Variants in FMN1 observed in about 807,000 individuals in gnomAD.
The protein encoded by FMN1 is formin-1.
A neutral mutation model predicts 132.4 loss-of-function variants in FMN1; 110 were observed. The ratio of observed to expected loss-of-function variants is 0.83; its 90% CI spans 0.71 to 0.97. FMN1 has a LOEUF of 0.97. Ranked by LOEUF, FMN1 falls within the 50% of genes least tolerant of loss-of-function variation. The probability of loss-of-function intolerance (pLI) is 0.00; values close to 1 mark genes in which losing one functional copy is unlikely to be tolerated. For missense variants in FMN1, 1,792 were observed against 1,705.3 expected (o/e 1.05, Z -0.90); for synonymous variants, 722 against 651.7 (o/e 1.11, Z -1.64).
At chr15:33,025,818 A>T (rs527507041) in intron 6 of FMN1, among the ~76,000 whole-genome samples, 8 of 152,264 alleles carry the variant, frequency 5.3e-5, no homozygotes, top group African/African-American at 1.9e-4. Context: ...CTAAGTTAGA[A>T]TAGAAGAGAA....
chr15:32,835,405 C>T (rs2058599554), intron 17 of FMN1, among the ~76,000 whole-genome samples: 1 of 152,194 alleles, frequency 6.6e-6, no homozygotes, highest in Non-Finnish European at 1.5e-5. Context: ...CAGGTTTCTG[C>T]TGCCGGAAGC....
chr15:33,043,042 T>C (rs1177353215), intron 6 of FMN1, among the ~76,000 whole-genome samples: 1 of 152,204 alleles, frequency 6.6e-6, no homozygotes, highest in African/African-American at 2.4e-5. Flanking sequence ...GTTTGACTTA[T>C]GATGATTTTT....
chr15:32,805,799 C>T (rs1005273762), intron 17 of FMN1, among the ~76,000 whole-genome samples: 3 of 95,650 alleles, frequency 3.1e-5, no homozygotes, highest in Non-Finnish European at 5.5e-5. Context: ...GGAATCTTGC[C>T]GCATACTGCC....
chr15:32,910,767 T>C (rs1162322829), intron 10 of FMN1, among the ~76,000 whole-genome samples: 3 of 152,274 alleles, frequency 2.0e-5, no homozygotes, highest in African/African-American at 7.2e-5. Flanking sequence ...CCTCAGGCTC[T>C]GAGTCCTTTC....
chr15:33,136,603 AG>A (rs1963777554), intron 4 of FMN1, among the ~76,000 whole-genome samples: 1 of 152,176 alleles, frequency 6.6e-6, no homozygotes, highest in African/African-American at 2.4e-5. Flanking sequence ...ATGGCTCTAC[AG>A]GGTTTGGCTC....
At chr15:33,177,850 C>CAA (rs57075325) in intron 3 of FMN1, among the ~76,000 whole-genome samples, 9 of 151,534 alleles carry the variant, frequency 5.9e-5, no homozygotes, top group African/African-American at 2.2e-4. Context: ...ATTAAAAATA[C>CAA]AAAAAAAATT....
intron 17 of FMN1, among the ~76,000 whole-genome samples, chr15:32,825,160 G>A (rs756851057): frequency 4.6e-5 from 7 of 152,176 alleles, no homozygotes; most frequent in Non-Finnish European, 7.3e-5. Context: ...TTTCACCTGA[G>A]CTACTTCAGT....
At chr15:32,978,918 C>A (rs2032422451) in intron 7 of FMN1, among the ~76,000 whole-genome samples, 2 of 152,072 alleles carry the variant, frequency 1.3e-5, no homozygotes. Context: ...GATATTAGGT[C>A]AATTATATAG....
chr15:32,798,178 GCACA>G (rs59587193), intron 19 of FMN1, among the ~76,000 whole-genome samples: 2 of 147,206 alleles, frequency 1.4e-5, no homozygotes, highest in African/African-American at 5.1e-5. Context: ...TAAGGAAAAC[GCACA>G]CACACACACA....
chr15:33,122,668 G>T (rs1344306933), intron 4 of FMN1, among the ~76,000 whole-genome samples: 1 of 152,214 alleles, frequency 6.6e-6, no homozygotes, highest in African/African-American at 2.4e-5. Flanking sequence ...TGGAGTTTGT[G>T]TCAAATCTAG....
intron 4 of FMN1, among the ~76,000 whole-genome samples, chr15:33,093,331 G>T (rs2038968491): frequency 6.6e-6 from 1 of 152,324 alleles, no homozygotes; most frequent in East Asian, 1.9e-4. Context: ...GATATGTACA[G>T]GTAGACATAT....
At chr15:32,929,576 C>G (rs892612042) in intron 9 of FMN1, among the ~76,000 whole-genome samples, 2 of 152,168 alleles carry the variant, frequency 1.3e-5, no homozygotes, top group African/African-American at 4.8e-5. Flanking sequence ...CACAGAATAG[C>G]AGATTTCCAA....
intron 17 of FMN1, among the ~76,000 whole-genome samples, chr15:32,843,480 T>C (rs943521961): frequency 2.6e-5 from 4 of 152,220 alleles, no homozygotes; most frequent in Non-Finnish European, 5.9e-5. Context: ...AATCCTAGAA[T>C]CGTGAAGCCA....
chr15:32,859,611 A>C lies in FMN1; in HGVS notation c.3836-2504T>G, dbSNP rs544364915. ...CAAACATATCTATCACCGTCTGCAC[A>C]GTGTTTATGTTTTACCTTTAATATT... is the stretch of plus-strand genomic sequence containing the variant. On this transcript the variant is annotated intron_variant, in intron 16 of 20. Coordinates refer to ENST00000616417, the MANE Select transcript of FMN1 (RefSeq NM_001277313.2). 2.6e-5 allele frequency among the ~76,000 whole-genome samples: 4 copies of C among 152,340 alleles called. No homozygotes were observed. In the South Asian group the frequency reaches 8.3e-4, roughly 32 times the overall value.
chr15:32,773,732 A>T lies in FMN1; in HGVS notation c.*578T>A, dbSNP rs2056324917. The T allele has an allele frequency of 6.6e-6, 1 of 152,268 alleles. No homozygotes were observed. The highest frequency in any genetic ancestry group is 1.5e-5 in the Non-Finnish European group (1 of 68,152). 9.4% of individuals were successfully genotyped at this position (152,268 alleles called of 1,614,324 possible). On this transcript the variant is annotated 3_prime_UTR_variant, in exon 21 of 21. Coordinates refer to ENST00000616417, the MANE Select transcript of FMN1 (RefSeq NM_001277313.2). ...TTCTCCTTTTCATCACGTAAACCAT[A>T]ACAACAAAAAATCATTTTTTTAGTC...
chr15:33,126,979 G>C (rs375506026), intron 4 of FMN1, among the ~76,000 whole-genome samples: 1 of 152,344 alleles, frequency 6.6e-6, no homozygotes, highest in East Asian at 1.9e-4. Flanking sequence ...CTGTGGAGAG[G>C]CTTGCAAGAT....
chr15:32,948,233 G>A (rs1332587625), intron 9 of FMN1, among the ~76,000 whole-genome samples: 1 of 151,796 alleles, frequency 6.6e-6, no homozygotes, highest in Non-Finnish European at 1.5e-5. Flanking sequence ...TTTATAAAAA[G>A]CATTTACTAA....
chr15:33,077,182 C>T (rs1481617447), intron 5 of FMN1, among the ~76,000 whole-genome samples: 1 of 152,024 alleles, frequency 6.6e-6, no homozygotes, highest in Admixed American at 6.6e-5. Context: ...GTGCATGCCA[C>T]CATGCCTGGC....
intron 3 of FMN1, among the ~76,000 whole-genome samples, chr15:33,156,708 G>C (rs1472375800): frequency 6.6e-6 from 1 of 152,030 alleles, no homozygotes; most frequent in Non-Finnish European, 1.5e-5. Flanking sequence ...ACTCACTTAG[G>C]AGGTAGTCTC....
Sources: gnomAD v4.1 joint callset for allele counts (sites outside exome capture counted in the v4.1 genomes callset) on GRCh38, gnomAD v4.1.1 for gene constraint, MANE v1.5 for transcripts, NCBI Gene and HGNC (gene_info 2026-07-23, HGNC 2026-07-21) for gene names.